CENPA: variants seen among roughly 807,000 people sequenced by gnomAD.
The protein encoded by CENPA is histone H3-like centromeric protein A.
CENPA carries 7 observed loss-of-function variants against 17.2 expected under a neutral mutation model. The observed-to-expected ratio is 0.41, with a 90% CI of 0.23 to 0.76. The LOEUF is 0.76. Ranked by LOEUF, CENPA falls within the 30% of genes least tolerant of loss-of-function variation. The pLI, the probability that CENPA is intolerant of heterozygous loss-of-function variation, is 0.34. For missense variants in CENPA, 149 were observed against 193.1 expected (o/e 0.77, Z 1.35); for synonymous variants, 82 against 77.4 (o/e 1.06, Z -0.31).
In CENPA at chr2:26,794,131, T is replaced by C. The variant is rs1270512274; in HGVS notation, c.*367T>C. 1 of 152,274 alleles carries C rather than the reference T, an allele frequency of 6.6e-6. No individual in the cohort carries two copies. The highest frequency in any genetic ancestry group is 6.5e-5 in the Admixed American group (1 of 15,288). 9.4% of individuals were successfully genotyped at this position (152,274 alleles called of 1,614,324 possible). On this transcript the variant is annotated 3_prime_UTR_variant, in exon 5 of 5. Transcript: ENST00000335756. ...TATGGGAGAAAAGGCTATGTACTTA[T>C]TATTTTAGCTCTTTCTGTAATATTT...
chr2:26,793,472 TG>T, intron 4 of CENPA, 146 bp downstream of exon 4: 2 of 580,232 alleles, frequency 3.4e-6, no homozygotes, highest in Non-Finnish European at 5.8e-6. Flanking sequence ...ATGTGGTTTG[TG>T]CCCTTTTGTG....
Position 26,786,090 on chromosome 2 carries a change from G to A in CENPA, c.-107G>A. On this transcript the variant is annotated 5_prime_UTR_variant, in exon 1 of 5. Transcript: ENST00000335756. ...CCAAGCACCGGCTCATGTGAGGCTC[G>A]CGGCACAGCGTTCTCTGGGCTCCCC... is the stretch of plus-strand genomic sequence containing the variant. 7.8e-7 allele frequency: 1 copy of A among 1,284,456 alleles called. No individual in the cohort carries two copies. The highest frequency in any genetic ancestry group is 9.9e-7 in the Non-Finnish European group (1 of 1,014,696). The allele number at this position is 1,284,456 out of a possible 1,614,324, so 79.6% of individuals were successfully genotyped here.
chr2:26,791,805 G>A (rs974724723), intron 1 of CENPA, among the ~76,000 whole-genome samples: 5 of 152,254 alleles, frequency 3.3e-5, no homozygotes, highest in African/African-American at 1.2e-4. Flanking sequence ...ATTCGGGAAA[G>A]ACTTCATGGA....
chr2:26,791,984 T>C (rs993297228), intron 1 of CENPA, 147 bp from the exon 2 acceptor site: 2 of 699,866 alleles, frequency 2.9e-6, no homozygotes, highest in Non-Finnish European at 5.0e-6. Context: ...CAATGACTTT[T>C]GCAGCAACCT....
In CENPA at chr2:26,792,819, T is replaced by C. The variant is rs1664645561; in HGVS notation, c.274T>C (p.Leu92=). 1.9e-6 allele frequency: 3 copies of C among 1,614,130 alleles called. No homozygotes were observed. The highest frequency in any genetic ancestry group is 3.3e-5 in the Admixed American group (2 of 60,008). ...VDFNWQAQAL[L]ALQEAAEAFL... is the part of the protein sequence containing the mutation. ...CTTCAATTGGCAAGCCCAGGCCCTA[T>C]TGGCCCTACAAGAGGTAAGAAGGCA... Residue 92 remains leucine (L), a synonymous_variant, in exon 3 of 5, where the codon TTG becomes CTG. Coordinates refer to ENST00000335756, the MANE Select transcript of CENPA (RefSeq NM_001809.4).
Position 26,793,212 on chromosome 2 carries a change from T to C in CENPA, c.356T>C (p.Val119Ala). ...AYLLTLHAGR[V>A]TLFPKDVQLA... ...CTCCTCACCTTACATGCAGGCCGAG[T>C]TACTCTCTTCCCAAAGGATGTGCAA... Residue 119 changes from valine (V) to alanine (A), a missense_variant, in exon 4 of 5, where the codon GTT (valine) becomes GCT (alanine). Physicochemically the swap from Val to Ala is moderately conservative, Grantham distance 64. This residue lies in a region of CENPA where 54 missense variants were observed against 105.7 expected (regional missense o/e 0.51). Coordinates refer to ENST00000335756, the MANE Select transcript of CENPA (RefSeq NM_001809.4). The C allele has an allele frequency of 6.2e-7, 1 of 1,614,088 alleles. No individual in the cohort carries two copies. The highest frequency in any genetic ancestry group is 8.5e-7 in the Non-Finnish European group (1 of 1,180,014).
At chr2:26,791,605 C>A (rs1450814535) in intron 1 of CENPA, among the ~76,000 whole-genome samples, 1 of 152,172 alleles carries the variant, frequency 6.6e-6, no homozygotes. Context: ...CCTCGCTGGG[C>A]CTCAGGATGA....
At chr2:26,793,087 A>T in intron 3 of CENPA, 58 bp from the exon 4 acceptor site, 1 of 1,601,602 alleles carries the variant, frequency 6.2e-7, no homozygotes, top group Non-Finnish European at 8.5e-7. Context: ...CAGGTTTCCA[A>T]AAAAAAGCAG....
chr2:26,788,918 G>A (rs538093874), intron 1 of CENPA, among the ~76,000 whole-genome samples: 2 of 152,218 alleles, frequency 1.3e-5, no homozygotes, highest in East Asian at 3.9e-4. Flanking sequence ...CAAGTGATCC[G>A]CCCACCTTGG....
chr2:26,792,405 G>T, intron 2 of CENPA, 165 bp downstream of exon 2: 2 of 698,520 alleles, frequency 2.9e-6, no homozygotes, highest in South Asian at 3.2e-5. Flanking sequence ...AGAGCACCTT[G>T]TAATTCTTTA....
At position 26,794,227 on chromosome 2, in the gene CENPA, A is replaced by C. The variant is rs919988366; in HGVS notation, c.*463A>C. 6.6e-6 allele frequency: 1 copy of C among 152,288 alleles called. No individual in the cohort carries two copies. The highest frequency in any genetic ancestry group is 2.4e-5 in the African/African-American group (1 of 41,478). The allele number at this position is 152,288 out of a possible 1,614,324, so 9.4% of individuals were successfully genotyped here. A position where few individuals can be genotyped will look rare whatever the true frequency, so the allele number is the denominator to read the frequency against. On this transcript the variant is annotated 3_prime_UTR_variant, in exon 5 of 5. Coordinates refer to ENST00000335756, the MANE Select transcript of CENPA (RefSeq NM_001809.4). ...GGGAAAAAATAAGACCACTTTGAGC[A>C]GTTGCCTGGAAGGCTGGGCATTTCC...
intron 2 of CENPA, 74 bp downstream of exon 2, chr2:26,792,314 C>T: frequency 8.6e-7 from 1 of 1,163,754 alleles, no homozygotes; most frequent in South Asian, 1.4e-5. Context: ...ATTAGGGACC[C>T]TACTGTCTCT....
intron 1 of CENPA, 68 bp downstream of exon 1, chr2:26,786,364 G>T (rs1664508826): frequency 2.3e-6 from 3 of 1,281,312 alleles, no homozygotes; most frequent in African/African-American, 3.1e-5. Context: ...CGGATCTCCC[G>T]AGTCCCGATC....
At chr2:26,787,088 T>TAG (rs992848506) in intron 1 of CENPA, among the ~76,000 whole-genome samples, 2 of 152,374 alleles carry the variant, frequency 1.3e-5, no homozygotes, top group Non-Finnish European at 2.9e-5. Flanking sequence ...TTGCTTTTTG[T>TAG]AGAGACTGGG....
chr2:26,786,930 A>G (rs73923355), intron 1 of CENPA, among the ~76,000 whole-genome samples: 7,504 of 152,174 alleles, frequency 0.049, 648 homozygotes, highest in African/African-American at 0.17. Flanking sequence ...TTAATTGTCT[A>G]TGGTGGGCTG....
In CENPA at chr2:26,794,441, A is replaced by G. The variant is rs746775475; in HGVS notation, c.*677A>G. ...CTGTCAAAATCAATTCAGAAATTCT[A>G]ACTTGGAGAATTTAACATTTTACTC... On this transcript the variant is annotated 3_prime_UTR_variant, in exon 5 of 5. Coordinates refer to ENST00000335756, the MANE Select transcript of CENPA (RefSeq NM_001809.4). 2.6e-5 allele frequency: 4 copies of G among 152,246 alleles called. No homozygotes were observed. The highest frequency in any genetic ancestry group is 6.5e-5 in the Admixed American group (1 of 15,274). The allele number at this position is 152,246 out of a possible 1,614,324, so 9.4% of individuals were successfully genotyped here.
At chr2:26,792,712 G>A (rs1355935696) in intron 2 of CENPA, 44 bp from the exon 3 acceptor site, 2 of 1,482,054 alleles carry the variant, frequency 1.3e-6, no homozygotes, top group Non-Finnish European at 1.9e-6. Flanking sequence ...TCTCTCTTCT[G>A]TTACTCCCTA....
At chr2:26,790,985 C>A (rs1334344528) in intron 1 of CENPA, among the ~76,000 whole-genome samples, 1 of 152,180 alleles carries the variant, frequency 6.6e-6, no homozygotes, top group African/African-American at 2.4e-5. Flanking sequence ...CAATTTTATC[C>A]GTCAACATGT....
rs577918682 is a variant in CENPA at position 26,790,960 on chromosome 2, A to G, written c.101-1171A>G. Reference sequence around the variant, plus strand: ...GTCTCTTTGCTTGGCTGGATCCTGAATAACATTTCTGAAACAATTTTATCC... The same window carrying G: ...GTCTCTTTGCTTGGCTGGATCCTGAGTAACATTTCTGAAACAATTTTATCC... On this transcript the variant is annotated intron_variant, in intron 1 of 4. Coordinates refer to ENST00000335756, the MANE Select transcript of CENPA (RefSeq NM_001809.4). Among the ~76,000 whole-genome samples the G allele has an allele frequency of 1.1e-4, 16 of 152,354 alleles. No individual in the cohort carries two copies. The South Asian group carries it at 3.3e-3, about 32-fold the overall frequency.
Sources: allele counts gnomAD v4.1 joint callset (sites outside exome capture counted in the v4.1 genomes callset), GRCh38; gene constraint gnomAD v4.1.1; regional missense constraint gnomAD v4.1.1; transcripts MANE v1.5; gene names NCBI Gene and HGNC (gene_info 2026-07-23, HGNC 2026-07-21).